FAM133A: variants seen among roughly 807,000 people sequenced by gnomAD.
The protein encoded by FAM133A is family with sequence similarity 133 member A.
For missense variants in FAM133A, 159 were observed against 164.4 expected (o/e 0.97, Z 0.18); for synonymous variants, 65 against 58.6 (o/e 1.11, Z -0.50).
At chrX:93,702,486 T>C in intron 3 of FAM133A, among the ~76,000 whole-genome samples, 1 of 111,291 alleles carries the variant, frequency 9.0e-6, no homozygotes, top group South Asian at 3.8e-4. Flanking sequence ...GAATCGATAC[T>C]GGTATAAATA....
chrX:93,680,210 T>G (rs1925036623), intron 2 of FAM133A, among the ~76,000 whole-genome samples: 1 of 110,644 alleles, frequency 9.0e-6, no homozygotes, highest in Non-Finnish European at 1.9e-5. Context: ...ATTTGTCTGT[T>G]CCTGGCTTAT....
chrX:93,711,189 T>A lies in FAM133A; in HGVS notation c.*1023T>A, dbSNP rs780872561. 4.8e-4 allele frequency: 59 copies of A among 122,967 alleles called. 1 individual carries two copies. Among genetic ancestry groups the A allele is most frequent in the African/African-American group, 1.9e-3 (57 of 30,780 alleles). The allele number at this position is 122,967 out of a possible 1,213,427, so 10.1% of individuals were successfully genotyped here. Reference sequence around the variant, plus strand: ...AATATTTAGCATGTGAAAAGGTTTTTTTTAAAAAATATGTAATGCCTTCAT... The same window carrying A: ...AATATTTAGCATGTGAAAAGGTTTTATTTAAAAAATATGTAATGCCTTCAT... On this transcript the variant is annotated 3_prime_UTR_variant, in exon 4 of 4. Coordinates refer to ENST00000683942, the MANE Select transcript of FAM133A (RefSeq NM_001171109.2).
chrX:93,676,311 C>T (rs960399207), intron 2 of FAM133A, among the ~76,000 whole-genome samples: 11 of 111,399 alleles, frequency 9.9e-5, no homozygotes, highest in Admixed American at 1.9e-4. Context: ...ACTCAAAATA[C>T]CACTGAGAAG....
At chrX:93,686,107 C>CAAA (rs762274763) in intron 2 of FAM133A, among the ~76,000 whole-genome samples, 7 of 37,475 alleles carry the variant, frequency 1.9e-4, no homozygotes, top group Non-Finnish European at 2.1e-4. Context: ...GACTCCATCT[C>CAAA]AAAAAAAAAA....
intron 3 of FAM133A, among the ~76,000 whole-genome samples, chrX:93,700,597 A>G (rs1926628979): frequency 9.0e-6 from 1 of 111,423 alleles, no homozygotes; most frequent in African/African-American, 3.3e-5. Context: ...TATAATATAA[A>G]TTTGCACAGT....
chrX:93,692,020 A>G (rs1925925506), intron 2 of FAM133A, among the ~76,000 whole-genome samples: 1 of 111,287 alleles, frequency 9.0e-6, no homozygotes, highest in African/African-American at 3.3e-5. Context: ...CAGAGTACCA[A>G]AATGGTTGCT....
intron 2 of FAM133A, among the ~76,000 whole-genome samples, chrX:93,685,229 C>A (rs1217981250): frequency 9.0e-6 from 1 of 111,549 alleles, no homozygotes; most frequent in Non-Finnish European, 1.9e-5. Flanking sequence ...CTTCTAGAGA[C>A]CTTTCTTACC....
rs780833826 is a variant in FAM133A at position 93,709,922 on chromosome X, A to G, written c.503A>G (p.Glu168Gly). ...KKKKKSKDET[E>G]KEKDVRSLSK... ...AAAAAGAAGTCAAAGGATGAAACAG[A>G]GAAAGAAAAGGATGTAAGAAGCCTC... The change falls in exon 4 of 4, where the codon GAG becomes GGG. Residue 168 changes from glutamate to glycine, a missense_variant. Glu to Gly is a moderately conservative substitution (Grantham distance 98). Transcript: ENST00000683942. The G allele has an allele frequency of 8.4e-7, 1 of 1,191,104 alleles. No homozygotes were observed. The highest frequency in any genetic ancestry group is 1.9e-5 in the South Asian group (1 of 52,561).
intron 2 of FAM133A, among the ~76,000 whole-genome samples, chrX:93,675,933 T>G (rs1156274799): frequency 2.7e-5 from 3 of 111,528 alleles, no homozygotes; most frequent in Non-Finnish European, 5.7e-5. Flanking sequence ...TATTTTAAAT[T>G]ATGGAGATTT....
chrX:93,686,948 C>T (rs1925570110), intron 2 of FAM133A, among the ~76,000 whole-genome samples: 2 of 112,208 alleles, frequency 1.8e-5, no homozygotes, highest in South Asian at 7.4e-4. Context: ...CTTAATTTTC[C>T]TCTGCATGAG....
chrX:93,683,486 T>C (rs1166490490), intron 2 of FAM133A, among the ~76,000 whole-genome samples: 1 of 111,845 alleles, frequency 8.9e-6, no homozygotes, highest in African/African-American at 3.2e-5. Flanking sequence ...GAAAACAACT[T>C]CCCTCCAATT....
intron 2 of FAM133A, among the ~76,000 whole-genome samples, chrX:93,678,247 C>A (rs1924860725): frequency 9.0e-6 from 1 of 111,493 alleles, no homozygotes; most frequent in African/African-American, 3.3e-5. Flanking sequence ...TTTGATAGTT[C>A]TTTATATACT....
rs753503341 is a variant in FAM133A at position 93,710,085 on chromosome X, AAAG to A, written c.681_683del (p.Lys228del). On this transcript the variant is annotated inframe_deletion, in exon 4 of 4. Coordinates refer to ENST00000683942, the MANE Select transcript of FAM133A (RefSeq NM_001171109.2). ...AGCGAGAACAAGCAAAGGAAAAAGT[AAAG>A]AAGAAGAAGAAGAAACAGCACAAGA... is the stretch of plus-strand genomic sequence containing the variant. 5.3e-5 allele frequency: 63 copies of A among 1,194,972 alleles called. No individual in the cohort carries two copies. The highest frequency in any genetic ancestry group is 4.6e-4 in the African/African-American group (26 of 56,551).
Position 93,710,822 on chromosome X carries a change from G to T in FAM133A, c.*656G>T. 8.0e-6 allele frequency: 1 copy of T among 124,661 alleles called. No homozygotes were observed. 10.3% of individuals were successfully genotyped at this position (124,661 alleles called of 1,213,427 possible). A position where few individuals can be genotyped will look rare whatever the true frequency, so the allele number is the denominator to read the frequency against. ...AGAAGGACAGGAGTTTACAGCATAAGTAAGCCCCCATATCTATGAAATTTA... is the reference window on the plus strand; with the variant it reads ...AGAAGGACAGGAGTTTACAGCATAATTAAGCCCCCATATCTATGAAATTTA... On this transcript the variant is annotated 3_prime_UTR_variant, in exon 4 of 4. Coordinates refer to ENST00000683942, the MANE Select transcript of FAM133A (RefSeq NM_001171109.2).
chrX:93,706,894 A>G (rs377223395), intron 3 of FAM133A, among the ~76,000 whole-genome samples: 9 of 111,918 alleles, frequency 8.0e-5, no homozygotes, highest in South Asian at 3.8e-4. Flanking sequence ...CCTGACTTCA[A>G]TCCGTCTGTC....
In FAM133A at chrX:93,711,557, T is replaced by C. The variant is rs1250043340; in HGVS notation, c.*1391T>C. On this transcript the variant is annotated 3_prime_UTR_variant, in exon 4 of 4. Transcript: ENST00000683942. Reference sequence around the variant, plus strand: ...AAACCACCTGTGATGGAGGATGTGCTAATTGTAATGTCATAGGTACAAAGT... The same window carrying C: ...AAACCACCTGTGATGGAGGATGTGCCAATTGTAATGTCATAGGTACAAAGT... 1 of 123,255 alleles carries C rather than the reference T, an allele frequency of 8.1e-6. No individual in the cohort carries two copies. The highest frequency in any genetic ancestry group is 1.9e-5 in the Non-Finnish European group (1 of 53,257). The allele number at this position is 123,255 out of a possible 1,213,427, so 10.2% of individuals were successfully genotyped here.
chrX:93,685,976 G>A (rs1031081914), intron 2 of FAM133A, among the ~76,000 whole-genome samples: 11 of 108,820 alleles, frequency 1.0e-4, no homozygotes, highest in African/African-American at 3.0e-4. Context: ...GGGCGTGGTG[G>A]CAGGCACCTG....
intron 2 of FAM133A, among the ~76,000 whole-genome samples, chrX:93,696,795 C>T (rs889116788): frequency 1.3e-4 from 14 of 110,028 alleles, no homozygotes; most frequent in African/African-American, 4.7e-4. Flanking sequence ...TGGCGGGTGC[C>T]TGTAGTCCCA....
At chrX:93,696,638 CG>C (rs1253806480) in intron 2 of FAM133A, among the ~76,000 whole-genome samples, 1 of 110,721 alleles carries the variant, frequency 9.0e-6, no homozygotes, top group Non-Finnish European at 1.9e-5. Context: ...GTAGTATAGG[CG>C]GCCGGGCGCA....
Sources: allele counts gnomAD v4.1 joint callset (sites outside exome capture counted in the v4.1 genomes callset), GRCh38; gene constraint gnomAD v4.1.1; transcripts MANE v1.5; gene names NCBI Gene and HGNC (gene_info 2026-07-23, HGNC 2026-07-21).